Variants in NRXN3 observed in about 807,000 individuals in gnomAD.
The protein encoded by NRXN3 is neurexin III.
In NRXN3, 32 loss-of-function variants were observed where a neutral mutation model predicts 137.6. The observed-to-expected ratio is 0.23, with a 90% CI of 0.18 to 0.31. The LOEUF is 0.31. Among genes scored for constraint, NRXN3 ranks in the 10% least tolerant of loss-of-function variants. NRXN3 has a pLI of 1.00. For synonymous variants in NRXN3, 798 were observed against 784.5 expected (o/e 1.02, Z -0.29); for missense variants, 1,574 against 2,062.5 (o/e 0.76, Z 4.59).
chr14:79,302,593 G>T (rs1460856834), intron 15 of NRXN3, among the ~76,000 whole-genome samples: 1 of 151,894 alleles, frequency 6.6e-6, no homozygotes, highest in Non-Finnish European at 1.5e-5. Context: ...ATCTTGAATT[G>T]CAATCCCCAT....
chr14:79,097,274 T>G (rs1445034129), intron 15 of NRXN3, among the ~76,000 whole-genome samples: 3 of 152,166 alleles, frequency 2.0e-5, no homozygotes, highest in Non-Finnish European at 2.9e-5. Flanking sequence ...TTTATTCTCA[T>G]ATCCCAGTTT....
chr14:79,615,186 T>C (rs2153884303), intron 16 of NRXN3, among the ~76,000 whole-genome samples: 1 of 152,296 alleles, frequency 6.6e-6, no homozygotes, highest in Admixed American at 6.5e-5. Flanking sequence ...ACTGTCCCTC[T>C]CAAGGAGCTT....
At chr14:79,475,474 T>C (rs1478060610) in intron 16 of NRXN3, among the ~76,000 whole-genome samples, 1 of 152,102 alleles carries the variant, frequency 6.6e-6, no homozygotes, top group East Asian at 1.9e-4. Flanking sequence ...TATATATATA[T>C]AAATTGAGTT....
intron 16 of NRXN3, among the ~76,000 whole-genome samples, chr14:79,620,676 G>C (rs1405704987): frequency 6.6e-6 from 1 of 152,132 alleles, no homozygotes; most frequent in African/African-American, 2.4e-5. Context: ...ACTGGCTTTG[G>C]AGGAAAGAGA....
chr14:79,838,795 T>C (rs1426071635), intron 20 of NRXN3, among the ~76,000 whole-genome samples: 2 of 152,206 alleles, frequency 1.3e-5, no homozygotes, highest in African/African-American at 2.4e-5. Context: ...GGAAGCTCAT[T>C]CTTGGGCCTT....
chr14:78,280,347 T>TA (rs2074232312), intron 3 of NRXN3, among the ~76,000 whole-genome samples: 1 of 152,220 alleles, frequency 6.6e-6, no homozygotes, highest in African/African-American at 2.4e-5. Flanking sequence ...ATATGTATAG[T>TA]ATCAGGGGGT....
intron 4 of NRXN3, among the ~76,000 whole-genome samples, chr14:78,454,808 G>C (rs938362275): frequency 1.3e-5 from 2 of 152,174 alleles, no homozygotes; most frequent in Non-Finnish European, 2.9e-5. Flanking sequence ...GATATGTATA[G>C]AGCCAAGGAG....
chr14:79,546,674 T>G (rs1381656096), intron 16 of NRXN3, among the ~76,000 whole-genome samples: 1 of 152,050 alleles, frequency 6.6e-6, no homozygotes, highest in East Asian at 1.9e-4. Context: ...TCAATATGAG[T>G]CTCCCAACTG....
At chr14:78,909,912 C>T (rs185322370) in intron 10 of NRXN3, among the ~76,000 whole-genome samples, 41 of 152,200 alleles carry the variant, frequency 2.7e-4, no homozygotes, top group South Asian at 8.3e-4. Context: ...ACCCATGCAT[C>T]TACTATCCAC....
At chr14:78,217,697 T>C (rs1164566483) in intron 1 of NRXN3, among the ~76,000 whole-genome samples, 1 of 152,256 alleles carries the variant, frequency 6.6e-6, no homozygotes, top group Admixed American at 6.5e-5. Flanking sequence ...AGCCTTGCTC[T>C]GTCGCCTGGG....
intron 4 of NRXN3, among the ~76,000 whole-genome samples, chr14:78,629,014 A>G (rs2097494654): frequency 1.3e-5 from 2 of 152,176 alleles, no homozygotes; most frequent in Non-Finnish European, 2.9e-5. Flanking sequence ...AAAACTGTCA[A>G]TAATAATACC....
At chr14:78,251,877 G>C (rs1045954635) in intron 2 of NRXN3, among the ~76,000 whole-genome samples, 6 of 152,172 alleles carry the variant, frequency 3.9e-5, no homozygotes, top group Admixed American at 6.5e-5. Flanking sequence ...AGGTAAGGGG[G>C]AGTGGGGGGT....
intron 15 of NRXN3, among the ~76,000 whole-genome samples, chr14:79,181,521 A>G (rs2062922002): frequency 6.6e-6 from 1 of 151,934 alleles, no homozygotes; most frequent in East Asian, 1.9e-4. Context: ...CGTCTCTACT[A>G]AAAACACAAA....
At chr14:79,587,704 A>G (rs2097773411) in intron 16 of NRXN3, among the ~76,000 whole-genome samples, 1 of 152,216 alleles carries the variant, frequency 6.6e-6, no homozygotes, top group Non-Finnish European at 1.5e-5. Context: ...ACGTATCACA[A>G]ATACATATGA....
At chr14:78,517,827 T>A (rs1049390873) in intron 4 of NRXN3, among the ~76,000 whole-genome samples, 1 of 152,158 alleles carries the variant, frequency 6.6e-6, no homozygotes, top group Non-Finnish European at 1.5e-5. Context: ...TCTTAAGTCA[T>A]CAGAGGGAAA....
intron 20 of NRXN3, among the ~76,000 whole-genome samples, chr14:79,847,190 AC>A (rs2099379106): frequency 1.3e-5 from 2 of 152,124 alleles, no homozygotes; most frequent in African/African-American, 4.8e-5. Flanking sequence ...AACAAGAATC[AC>A]CTCAACCCAA....
chr14:78,309,760 A>G (rs1212845140), intron 4 of NRXN3, among the ~76,000 whole-genome samples: 6 of 152,178 alleles, frequency 3.9e-5, no homozygotes, highest in Non-Finnish European at 8.8e-5. Context: ...AATTAGAACT[A>G]GTTAGTGTTC....
intron 20 of NRXN3, among the ~76,000 whole-genome samples, chr14:79,838,993 C>T (rs1270092827): frequency 6.6e-6 from 1 of 152,158 alleles, no homozygotes; most frequent in Admixed American, 6.5e-5. Context: ...ACACCTTGTT[C>T]TATAAAATAG....
intron 15 of NRXN3, among the ~76,000 whole-genome samples, chr14:79,065,278 G>A (rs1228460001): frequency 6.6e-6 from 1 of 152,024 alleles, no homozygotes; most frequent in African/African-American, 2.4e-5. Context: ...TTCTGAAAGA[G>A]GGATAAGATT....
Sources: gnomAD v4.1 joint callset for allele counts (sites outside exome capture counted in the v4.1 genomes callset) on GRCh38, gnomAD v4.1.1 for gene constraint, MANE v1.5 for transcripts, NCBI Gene and HGNC (gene_info 2026-07-23, HGNC 2026-07-21) for gene names.